The following DGKG variants were observed in gnomAD, a reference collection of about 807,000 sequenced individuals.
The protein encoded by DGKG is DAG kinase gamma.
In DGKG, 78 loss-of-function variants were observed where a neutral mutation model predicts 105.3. The observed-to-expected ratio is 0.74, with a 90% confidence interval of 0.62 to 0.89. The LOEUF is 0.89. Ranked by LOEUF, DGKG falls within the 40% of genes least tolerant of loss-of-function variation. DGKG has a pLI of 0.00. For missense variants in DGKG, 958 were observed against 1,020.1 expected (o/e 0.94, Z 0.83); for synonymous variants, 346 against 367.1 (o/e 0.94, Z 0.66).
intron 10 of DGKG, among the ~76,000 whole-genome samples, chr3:186,272,731 G>A (rs984216553): frequency 2.0e-5 from 3 of 151,930 alleles, no homozygotes; most frequent in African/African-American, 4.8e-5. Flanking sequence ...GCTTTTTTTT[G>A]TTTTGAGATG....
At chr3:186,339,696 G>T (rs993714620) in intron 1 of DGKG, among the ~76,000 whole-genome samples, 1 of 152,154 alleles carries the variant, frequency 6.6e-6, no homozygotes, top group African/African-American at 2.4e-5. Context: ...AGGCCTGTAC[G>T]CTGGGGCCTG....
chr3:186,182,557 A>G (rs1717409598), intron 22 of DGKG, among the ~76,000 whole-genome samples: 1 of 151,952 alleles, frequency 6.6e-6, no homozygotes. Flanking sequence ...TCCCTACTCT[A>G]CCCTCTCTCA....
intron 4 of DGKG, 61 bp downstream of exon 4, chr3:186,298,003 G>A (rs1723673619): frequency 1.3e-6 from 2 of 1,539,654 alleles, no homozygotes; most frequent in Admixed American, 1.9e-5. Context: ...TGCAGTCTGT[G>A]GCTGTGGCAG....
At chr3:186,315,101 T>G (rs1210632510) in intron 2 of DGKG, among the ~76,000 whole-genome samples, 1 of 152,148 alleles carries the variant, frequency 6.6e-6, no homozygotes, top group African/African-American at 2.4e-5. Flanking sequence ...TGAAGGTCAT[T>G]TAATCAACCA....
intron 22 of DGKG, 81 bp from the exon 23 acceptor site, chr3:186,165,099 A>C: frequency 1.3e-6 from 2 of 1,495,604 alleles, no homozygotes; most frequent in Non-Finnish European, 1.8e-6. Flanking sequence ...TCTGGTCCCC[A>C]GATGGCCAAT....
chr3:186,249,362 G>A (rs771359921), intron 19 of DGKG, among the ~76,000 whole-genome samples: 2 of 152,160 alleles, frequency 1.3e-5, no homozygotes, highest in Admixed American at 6.5e-5. Context: ...CGGATTAGGA[G>A]TCAGAGAATA....
intron 1 of DGKG, among the ~76,000 whole-genome samples, chr3:186,340,563 T>C (rs1022103887): frequency 2.6e-5 from 4 of 152,214 alleles, no homozygotes; most frequent in Middle Eastern, 3.4e-3. Flanking sequence ...ACATGCTGAG[T>C]TTAGTTTGGT....
intron 1 of DGKG, among the ~76,000 whole-genome samples, chr3:186,328,732 C>T (rs190013743): frequency 3.3e-5 from 5 of 152,046 alleles, no homozygotes; most frequent in East Asian, 3.9e-4. Context: ...CCTGCCACCA[C>T]GCCCGGCTAA....
intron 1 of DGKG, among the ~76,000 whole-genome samples, chr3:186,358,780 G>C (rs1269417554): frequency 1.3e-5 from 2 of 152,048 alleles, no homozygotes; most frequent in African/African-American, 4.8e-5. Context: ...TGGCCAGTAT[G>C]TGAGGAAGCT....
intron 3 of DGKG, among the ~76,000 whole-genome samples, chr3:186,306,360 T>C (rs1469707317): frequency 3.3e-5 from 5 of 151,852 alleles, no homozygotes; most frequent in Non-Finnish European, 4.4e-5. Flanking sequence ...AGAAAGCTGA[T>C]ATGAAGGAGA....
At chr3:186,317,637 C>T (rs940433208) in intron 2 of DGKG, among the ~76,000 whole-genome samples, 2 of 152,158 alleles carry the variant, frequency 1.3e-5, no homozygotes, top group Non-Finnish European at 2.9e-5. Context: ...ACCCGGAATG[C>T]CCTTCTCCCT....
At chr3:186,283,980 T>C (rs1722944333) in intron 7 of DGKG, among the ~76,000 whole-genome samples, 1 of 152,234 alleles carries the variant, frequency 6.6e-6, no homozygotes. Context: ...CAACAGGGCC[T>C]GTCTGACTCT....
chr3:186,242,377 G>T, intron 20 of DGKG, 127 bp downstream of exon 20: 2 of 691,374 alleles, frequency 2.9e-6, no homozygotes, highest in Non-Finnish European at 2.3e-6. Flanking sequence ...CCTCCTTCCG[G>T]CAAGTGGCAG....
intron 17 of DGKG, 21 bp downstream of exon 17, chr3:186,257,833 G>T: frequency 1.3e-6 from 2 of 1,587,222 alleles, no homozygotes; most frequent in Non-Finnish European, 1.7e-6. Flanking sequence ...AGCAGCAAAC[G>T]CCCTCTCAGC....
At position 186,272,332 on chromosome 3, in the gene DGKG, T is replaced by C. The variant is rs753453559; in HGVS notation, c.922A>G (p.Thr308Ala). ...CTGGACACACAGCGTTCGTGGACAG[T>C]GTATTTACAGTCTGAAAAGAAAAAA... ...QGLCCTYCKY[T>A]VHERCVSRNI... Residue 308 changes from threonine to alanine, a missense_variant, in exon 11 of 25, where the codon ACT becomes GCT. This residue lies in a region of DGKG where 643 missense variants were observed against 619.5 expected (regional missense o/e 1.04). Coordinates refer to ENST00000265022, the MANE Select transcript of DGKG (RefSeq NM_001346.3). The C allele has an allele frequency of 3.1e-6, 5 of 1,613,206 alleles. No homozygotes were observed. In the African/African-American group the frequency reaches 6.7e-5, roughly 22 times the overall value.
At chr3:186,285,394 A>G (rs1210377955) in intron 6 of DGKG, among the ~76,000 whole-genome samples, 1 of 152,176 alleles carries the variant, frequency 6.6e-6, no homozygotes, top group Non-Finnish European at 1.5e-5. Context: ...CAATAATGCT[A>G]TGGGGTAGTT....
At chr3:186,347,901 T>C (rs937422912) in intron 1 of DGKG, among the ~76,000 whole-genome samples, 3 of 152,198 alleles carry the variant, frequency 2.0e-5, no homozygotes, top group African/African-American at 7.2e-5. Flanking sequence ...GTTTTCATTC[T>C]TGGCTATAAT....
chr3:186,289,433 G>A (rs1057479522), intron 5 of DGKG, among the ~76,000 whole-genome samples: 1 of 152,206 alleles, frequency 6.6e-6, no homozygotes, highest in African/African-American at 2.4e-5. Context: ...AGAAAATGCA[G>A]AAAGTGGATT....
At chr3:186,268,388 G>A (rs774624017) in intron 12 of DGKG, among the ~76,000 whole-genome samples, 2 of 152,156 alleles carry the variant, frequency 1.3e-5, no homozygotes, top group African/African-American at 2.4e-5. Flanking sequence ...CCAGGCAGTG[G>A]GGCTGCTCTG....
Sources: gnomAD v4.1 joint callset for allele counts (sites outside exome capture counted in the v4.1 genomes callset) on GRCh38, gnomAD v4.1.1 for gene constraint, gnomAD v4.1.1 regional missense constraint, MANE v1.5 for transcripts, NCBI Gene and HGNC (gene_info 2026-07-23, HGNC 2026-07-21) for gene names.